Variants in SLC6A12 observed in about 807,000 individuals in gnomAD.
SLC6A12 encodes the protein sodium- and chloride-dependent betaine transporter.
SLC6A12 carries 50 observed loss-of-function variants against 73.3 expected under a neutral mutation model. The observed-to-expected ratio is 0.68, with a 90% CI of 0.54 to 0.86. The LOEUF is 0.86. Ranked by LOEUF, SLC6A12 falls within the 40% of genes least tolerant of loss-of-function variation. The pLI, the probability that SLC6A12 is intolerant of heterozygous loss-of-function variation, is 0.00. For missense variants in SLC6A12, 648 were observed against 772.8 expected, an observed-to-expected ratio of 0.84 and a Z score of 1.92; for synonymous variants, 304 against 309.2, an observed-to-expected ratio of 0.98 and a Z score of 0.18.
At chr12:187,604 A>G (rs113021149), downstream of SLC6A12, among the ~76,000 whole-genome samples, 43 of 16,862 alleles carry the variant, frequency 2.6e-3, no homozygotes, top group African/African-American at 4.4e-3. Flanking sequence ...AAAAAAAAAA[A>G]AAAAAAAAAA....
chr12:207,254 C>CT, intron 3 of SLC6A12, among the ~76,000 whole-genome samples: 1 of 152,370 alleles, frequency 6.6e-6, no homozygotes, highest in South Asian at 2.1e-4. Context: ...GCACAGGGAC[C>CT]TTTACCAACA....
chr12:187,600 A>AAAAAAAACAAAAC (rs1939455824), downstream of SLC6A12, among the ~76,000 whole-genome samples: 1 of 10,142 alleles, frequency 9.9e-5, no homozygotes, highest in Non-Finnish European at 1.3e-3. Flanking sequence ...AAAAAAAAAA[A>AAAAAAAACAAAAC]AAAAAAAAAA....
At chr12:191,583 G>A (rs1345913336) in intron 15 of SLC6A12, among the ~76,000 whole-genome samples, 7 of 99,410 alleles carry the variant, frequency 7.0e-5, no homozygotes, top group Non-Finnish European at 1.3e-4. Context: ...TTTTGTTATT[G>A]TCATTATTGT....
At position 200,639 on chromosome 12, in the gene SLC6A12, A is replaced by G. The variant is rs753670874; in HGVS notation, c.711+12T>C. On this transcript the variant is annotated intron_variant, in intron 7 of 15. Coordinates refer to ENST00000684302, the MANE Select transcript of SLC6A12 (RefSeq NM_001122848.3). ...GGCCAAAGGGAGCTTCCCAGGAGGCAGGACATCTCACCTTGCCTGTGGACT... is the reference window on the plus strand; with the variant it reads ...GGCCAAAGGGAGCTTCCCAGGAGGCGGGACATCTCACCTTGCCTGTGGACT... 1 of 1,613,394 alleles carries G rather than the reference A, an allele frequency of 6.2e-7. No homozygotes were observed. Among genetic ancestry groups the G allele is most frequent in the Non-Finnish European group, 8.5e-7 (1 of 1,179,610 alleles).
chr12:212,150 A>G (rs1940927018), intron 1 of SLC6A12, 40 bp from the exon 2 acceptor site: 1 of 152,186 alleles, frequency 6.6e-6, no homozygotes, highest in South Asian at 2.1e-4. Context: ...GGGTTTTCGG[A>G]GGGTGAGGGG....
At chr12:204,878 G>A in intron 3 of SLC6A12, 180 bp from the exon 4 acceptor site, 1 of 637,718 alleles carries the variant, frequency 1.6e-6, no homozygotes, top group Non-Finnish European at 2.7e-6. Flanking sequence ...GCAGGCACAG[G>A]TGGGAATGTT....
Position 190,342 on chromosome 12 carries a change from A to G in SLC6A12, c.*726T>C, listed in dbSNP as rs1408615077. 2 of 152,250 alleles carry G rather than the reference A, an allele frequency of 1.3e-5. No individual in the cohort carries two copies. The highest frequency in any genetic ancestry group is 2.9e-5 in the Non-Finnish European group (2 of 68,092). 9.4% of individuals were successfully genotyped at this position (152,250 alleles called of 1,614,324 possible). On this transcript the variant is annotated 3_prime_UTR_variant, in exon 16 of 16. Transcript: ENST00000684302. Reference sequence around the variant, plus strand: ...ATTGTGAGGTGGGAAAGAATCTGTGATCAGTTAGCAATATCGGCCTTGGGC... The same window carrying G: ...ATTGTGAGGTGGGAAAGAATCTGTGGTCAGTTAGCAATATCGGCCTTGGGC...
chr12:184,981 G>C, the SLC6A12 span, among the ~76,000 whole-genome samples: 10 of 151,950 alleles, frequency 6.6e-5, no homozygotes, highest in Non-Finnish European at 8.8e-5. Context: ...AAATGTTAGG[G>C]TTCCTGTCAA....
In SLC6A12 at chr12:198,827, C is replaced by T; in HGVS notation, c.816G>A (p.Lys272=). The change falls in exon 8 of 16, where the codon AAG becomes AAA. Residue 272 remains lysine (K), a synonymous_variant. Transcript: ENST00000684302. The surrounding 1 kb of genome is among the most constrained non-coding windows in gnomAD (Gnocchi z 4.0). Reference sequence around the variant, plus strand: ...GGTCCTTGAGGCGGAACAAATCTGGCTTCAAGTAGTAGATGATGCCCTGGT... The same window carrying T: ...GGTCCTTGAGGCGGAACAAATCTGGTTTCAAGTAGTAGATGATGCCCTGGT... The part of the protein sequence containing the change: ...GAYQGIIYYL[K]PDLFRLKDPQ... 2 of 1,614,216 alleles carry T rather than the reference C, an allele frequency of 1.2e-6. No individual in the cohort carries two copies. Among genetic ancestry groups the T allele is most frequent in the South Asian group, 2.2e-5 (2 of 91,078 alleles).
At chr12:185,699 C>T (rs2137089099), downstream of SLC6A12, among the ~76,000 whole-genome samples, 1 of 152,340 alleles carries the variant, frequency 6.6e-6, no homozygotes, top group African/African-American at 2.4e-5. Flanking sequence ...CCCGTTACTT[C>T]CCAGTCACGT....
chr12:205,395 C>T (rs1940579393), intron 3 of SLC6A12, among the ~76,000 whole-genome samples: 1 of 152,182 alleles, frequency 6.6e-6, no homozygotes, highest in African/African-American at 2.4e-5. Flanking sequence ...ACGCTGAGTG[C>T]TTATTTGGTG....
Position 213,007 on chromosome 12 carries a change from G to C in SLC6A12, c.-142-897C>G, listed in dbSNP as rs1258514895. 4.6e-5 allele frequency among the ~76,000 whole-genome samples: 7 copies of C among 152,184 alleles called. No individual in the cohort carries two copies. The highest frequency in any genetic ancestry group is 1.0e-4 in the Non-Finnish European group (7 of 68,030). On this transcript the variant is annotated intron_variant, in intron 1 of 15. Coordinates refer to ENST00000684302, the MANE Select transcript of SLC6A12 (RefSeq NM_001122848.3). This position sits in a 1 kb window ranked among gnomAD's most constrained non-coding sequence, Gnocchi z 5.3. Reference sequence around the variant, plus strand: ...CAGAGAGCAAATCTTCAAGAGACTAGAAAGTCCAAAGTTAAGTCTGTTTTC... The same window carrying C: ...CAGAGAGCAAATCTTCAAGAGACTACAAAGTCCAAAGTTAAGTCTGTTTTC...
At chr12:202,574 C>G (rs1300713837) in intron 5 of SLC6A12, among the ~76,000 whole-genome samples, 166 bp downstream of exon 5, 1 of 152,212 alleles carries the variant, frequency 6.6e-6, no homozygotes, top group Non-Finnish European at 1.5e-5. Context: ...AGTGGCTGGC[C>G]TGAGGGCCTC....
At chr12:196,068 T>TC in intron 12 of SLC6A12, 56 bp downstream of exon 12, 1 of 1,515,690 alleles carries the variant, frequency 6.6e-7, no homozygotes, top group Non-Finnish European at 8.9e-7. Context: ...GTCAGCAGTG[T>TC]CCCCCGTGGC....
At chr12:202,588 G>A in intron 5 of SLC6A12, 152 bp downstream of exon 5, 1 of 687,860 alleles carries the variant, frequency 1.5e-6, no homozygotes, top group Non-Finnish European at 2.4e-6. Context: ...GGGCCTCAGA[G>A]GAGCCAAGGA....
At chr12:208,965 T>C (rs1304956098) in intron 3 of SLC6A12, among the ~76,000 whole-genome samples, 3 of 152,126 alleles carry the variant, frequency 2.0e-5, no homozygotes, top group Non-Finnish European at 2.9e-5. Flanking sequence ...GTGGCTCCCA[T>C]CTCAGTCAGA....
the SLC6A12 span, among the ~76,000 whole-genome samples, chr12:184,498 C>T: frequency 6.6e-6 from 1 of 152,184 alleles, no homozygotes; most frequent in East Asian, 1.9e-4. Context: ...TGCCTGTAAT[C>T]CCAGCACTTT....
chr12:186,130 A>T (rs1939424757), downstream of SLC6A12, among the ~76,000 whole-genome samples: 1 of 152,142 alleles, frequency 6.6e-6, no homozygotes, highest in African/African-American at 2.4e-5. Flanking sequence ...AGGCTCAGGC[A>T]GAAGGGCACG....
Position 191,084 on chromosome 12 carries a change from T to C in SLC6A12, c.1829A>G (p.Lys610Arg), listed in dbSNP as rs1377545713. 2.3e-6 allele frequency: 3 copies of C among 1,332,444 alleles called. No homozygotes were observed. The highest frequency in any genetic ancestry group is 2.9e-6 in the Non-Finnish European group (3 of 1,030,410). The allele number at this position is 1,332,444 out of a possible 1,614,324, so 82.5% of individuals were successfully genotyped here. A position where few individuals can be genotyped will look rare whatever the true frequency, so the allele number is the denominator to read the frequency against. ...GGCCACACCCTACAAATGGGTCTCC[T>C]TCTCCCCGGCTATCAGTCCTTCCCT... ...PTREGLIAGEKETHL is the reference protein window; with the variant it reads ...PTREGLIAGERETHL Residue 610 changes from lysine (K) to arginine (R), a missense_variant, in exon 16 of 16, where the codon AAG (lysine) becomes AGG (arginine). Coordinates refer to ENST00000684302, the MANE Select transcript of SLC6A12 (RefSeq NM_001122848.3).
Sources: allele counts gnomAD v4.1 joint callset (sites outside exome capture counted in the v4.1 genomes callset), GRCh38; gene constraint gnomAD v4.1.1; non-coding constraint Gnocchi (gnomAD v3.1); transcripts MANE v1.5; gene names NCBI Gene and HGNC (gene_info 2026-07-23, HGNC 2026-07-21).